AFF3: variants seen among roughly 807,000 people sequenced by gnomAD.
AFF3 encodes the protein AF4/FMR2 family member 3.
A neutral mutation model predicts 129.7 loss-of-function variants in AFF3; 32 were observed. The ratio of observed to expected loss-of-function variants is 0.25; its 90% CI spans 0.19 to 0.33. The LOEUF is 0.33. Ranked by LOEUF, AFF3 falls within the 10% of genes least tolerant of loss-of-function variation. The pLI is 1.00. For synonymous variants in AFF3, 644 were observed against 635.4 expected (o/e 1.01, Z -0.20); for missense variants, 1,373 against 1,592.0 (o/e 0.86, Z 2.34).
Position 99,818,410 on chromosome 2 carries a change from C to T in AFF3, c.921+19067G>A, listed in dbSNP as rs557160998. On this transcript the variant is annotated intron_variant, in intron 8 of 24. Transcript: ENST00000672756. ...AACTGTACATCAATGAAAAATACAA[C>T]GTTGAAACCGACAATCCTTCATCCA... 5.9e-5 allele frequency among the ~76,000 whole-genome samples: 9 copies of T among 152,264 alleles called. No homozygotes were observed. In the East Asian group the frequency reaches 1.2e-3, roughly 20 times the overall value.
chr2:99,659,926 C>T (rs1490564598), intron 12 of AFF3, among the ~76,000 whole-genome samples: 1 of 152,176 alleles, frequency 6.6e-6, no homozygotes, highest in African/African-American at 2.4e-5. Context: ...ACTCTGTGGC[C>T]TGCTCATCTG....
intron 7 of AFF3, among the ~76,000 whole-genome samples, chr2:100,004,592 C>T (rs764868616): frequency 3.9e-5 from 6 of 152,106 alleles, no homozygotes; most frequent in East Asian, 1.9e-4. Flanking sequence ...GGCCTGATTG[C>T]GGATTTTATT....
intron 8 of AFF3, among the ~76,000 whole-genome samples, chr2:99,835,471 G>A (rs1460176728): frequency 6.6e-6 from 1 of 152,126 alleles, no homozygotes; most frequent in Non-Finnish European, 1.5e-5. Context: ...CTTGGAGAAT[G>A]ACTAATGTCA....
chr2:99,883,362 T>C (rs1692870174), intron 7 of AFF3, among the ~76,000 whole-genome samples: 6 of 152,222 alleles, frequency 3.9e-5, no homozygotes, highest in Admixed American at 3.9e-4. Flanking sequence ...TAGAGACTTT[T>C]AACCAGACCT....
At chr2:99,716,926 A>G (rs1248033129) in intron 11 of AFF3, among the ~76,000 whole-genome samples, 2 of 151,898 alleles carry the variant, frequency 1.3e-5, no homozygotes, top group African/African-American at 4.8e-5. Context: ...GGCAACTCCC[A>G]ATCAATCCCC....
chr2:99,635,461 T>TTG (rs149975940), intron 13 of AFF3, among the ~76,000 whole-genome samples: 19 of 150,850 alleles, frequency 1.3e-4, no homozygotes, highest in African/African-American at 2.4e-4. Flanking sequence ...CCATGCTAAT[T>TTG]TGTGTGTGTG....
At chr2:99,971,463 C>T (rs1199406781) in intron 7 of AFF3, among the ~76,000 whole-genome samples, 1 of 152,194 alleles carries the variant, frequency 6.6e-6, no homozygotes, top group African/African-American at 2.4e-5. Context: ...TACAATATAA[C>T]CTTTTCTCTC....
chr2:100,062,501 C>T (rs1435942533), intron 4 of AFF3, among the ~76,000 whole-genome samples: 1 of 152,120 alleles, frequency 6.6e-6, no homozygotes, highest in Non-Finnish European at 1.5e-5. Context: ...AAAAGGGGAA[C>T]GGTCCTGTGA....
intron 8 of AFF3, among the ~76,000 whole-genome samples, chr2:99,756,484 C>T (rs1030883589): frequency 6.6e-6 from 1 of 152,234 alleles, no homozygotes; most frequent in African/African-American, 2.4e-5. Flanking sequence ...ACCCCGTTGC[C>T]TTCCTTCTGG....
At chr2:99,921,603 C>T (rs574885398) in intron 7 of AFF3, among the ~76,000 whole-genome samples, 73 of 152,162 alleles carry the variant, frequency 4.8e-4, no homozygotes, top group Non-Finnish European at 9.1e-4. Flanking sequence ...ATCTTTGCAA[C>T]TTCCTATAAT....
At chr2:99,990,167 C>T (rs1347510183) in intron 7 of AFF3, among the ~76,000 whole-genome samples, 1 of 152,130 alleles carries the variant, frequency 6.6e-6, no homozygotes, top group African/African-American at 2.4e-5. Flanking sequence ...GAGGAAGTAG[C>T]CCACTCACAA....
At chr2:100,016,190 T>C (rs1683034450) in intron 4 of AFF3, among the ~76,000 whole-genome samples, 1 of 149,868 alleles carries the variant, frequency 6.7e-6, no homozygotes, top group African/African-American at 2.5e-5. Context: ...GCGATGCTGA[T>C]AATGATTGTG....
chr2:99,709,522 G>C (rs1677706513), intron 11 of AFF3, among the ~76,000 whole-genome samples: 1 of 152,146 alleles, frequency 6.6e-6, no homozygotes, highest in Non-Finnish European at 1.5e-5. Context: ...ACTGGGTCAT[G>C]AGAGAAAAGA....
chr2:99,933,554 T>A (rs1020346076), intron 7 of AFF3, among the ~76,000 whole-genome samples: 9 of 152,086 alleles, frequency 5.9e-5, no homozygotes, highest in Non-Finnish European at 1.5e-5. Context: ...GTCCATGTGT[T>A]CTCATTGTTC....
intron 7 of AFF3, among the ~76,000 whole-genome samples, chr2:99,937,401 AT>A (rs145412105): frequency 6.6e-6 from 1 of 151,408 alleles, no homozygotes; most frequent in African/African-American, 2.4e-5. Context: ...GAATTGAAGG[AT>A]TTTTTTTTCT....
intron 4 of AFF3, among the ~76,000 whole-genome samples, chr2:100,072,873 A>C (rs992445855): frequency 3.3e-5 from 5 of 152,006 alleles, no homozygotes; most frequent in African/African-American, 7.3e-5. Flanking sequence ...TTTTACCTTA[A>C]CTGAGTTCTT....
chr2:99,995,103 A>G (rs1216846536), intron 7 of AFF3, among the ~76,000 whole-genome samples: 1 of 152,188 alleles, frequency 6.6e-6, no homozygotes, highest in Non-Finnish European at 1.5e-5. Flanking sequence ...TGGTGGCTGG[A>G]GCAGGTGGGG....
At chr2:99,730,686 T>A (rs1209975911) in intron 10 of AFF3, among the ~76,000 whole-genome samples, 1 of 151,862 alleles carries the variant, frequency 6.6e-6, no homozygotes, top group Non-Finnish European at 1.5e-5. Flanking sequence ...GGCTAATGTT[T>A]TTATTTTTAG....
At chr2:99,821,495 A>G (rs538708179) in intron 8 of AFF3, among the ~76,000 whole-genome samples, 2 of 152,092 alleles carry the variant, frequency 1.3e-5, no homozygotes, top group South Asian at 4.2e-4. Context: ...AGAAAAAAAG[A>G]AAATAAAAAG....
Sources: allele counts gnomAD v4.1 joint callset (sites outside exome capture counted in the v4.1 genomes callset), GRCh38; gene constraint gnomAD v4.1.1; transcripts MANE v1.5; gene names NCBI Gene and HGNC (gene_info 2026-07-23, HGNC 2026-07-21).